Variants in PREP observed in about 807,000 individuals in gnomAD.
The protein encoded by PREP is prolyl endopeptidase, also known as dJ355L5.1 (prolyl endopeptidase).
PREP carries 29 observed loss-of-function variants against 87.6 expected under a neutral mutation model. The ratio of observed to expected loss-of-function variants is 0.33; its 90% CI spans 0.25 to 0.45. The LOEUF (loss-of-function observed/expected upper bound fraction) is 0.45. Ranked by LOEUF, PREP falls within the 20% of genes least tolerant of loss-of-function variation. The pLI is 1.00. For synonymous variants in PREP, 337 were observed against 328.6 expected (o/e 1.03, Z -0.28); for missense variants, 695 against 886.5 (o/e 0.78, Z 2.74).
At position 105,322,881 on chromosome 6, in the gene PREP, A is replaced by G. The variant is rs1771048678; in HGVS notation, c.1317+784T>C. On this transcript the variant is annotated intron_variant, in intron 10 of 14. Coordinates refer to ENST00000652536, the MANE Select transcript of PREP (RefSeq NM_002726.5). ...CAAGCTATAATAATGCCCTAGTTTC[A>G]CAGAAACATTGTGGGGAACATCCAG... 11 of 1,178,888 alleles carry G rather than the reference A, an allele frequency of 9.3e-6. No homozygotes were observed. In the South Asian group the frequency reaches 1.6e-4, roughly 17 times the overall value. 73.0% of individuals were successfully genotyped at this position (1,178,888 alleles called of 1,614,324 possible).
At chr6:105,302,118 AGTT>A (rs1421414563) in intron 10 of PREP, among the ~76,000 whole-genome samples, 12 of 152,248 alleles carry the variant, frequency 7.9e-5, no homozygotes, top group Non-Finnish European at 1.6e-4. Flanking sequence ...ATCTCTTTGT[AGTT>A]AATGAAGACA....
rs1769960805 is a variant in PREP at position 105,277,231 on chromosome 6, A to ACAAC, written c.*912_*913insGTTG. Among the ~76,000 whole-genome samples the ACAAC allele has an allele frequency of 1.3e-5, 2 of 151,802 alleles. No individual in the cohort carries two copies. Among genetic ancestry groups the ACAAC allele is most frequent in the Admixed American group, 6.6e-5 (1 of 15,228 alleles). On this transcript the variant is annotated 3_prime_UTR_variant, in exon 15 of 15. Transcript: ENST00000652536. Reference sequence around the variant, plus strand: ...TCCAGGAGTGATCTATGCAGGAGAAACAGCTTGGGAAATGCTGAAATTTCT... The same window carrying ACAAC: ...TCCAGGAGTGATCTATGCAGGAGAAACAACCAGCTTGGGAAATGCTGAAATTTCT...
At chr6:105,338,689 T>C (rs748992220) in intron 7 of PREP, among the ~76,000 whole-genome samples, 1 of 152,210 alleles carries the variant, frequency 6.6e-6, no homozygotes. Flanking sequence ...ACTCCCACCC[T>C]AATACTGCAC....
rs774333060 is a variant in PREP at position 105,377,342 on chromosome 6, T to C, written c.254+44A>G. Reference sequence around the variant, plus strand: ...TTGTATTTTACAATTTAAGAAAGCATTTACTTTGAAAATAAAAAGGAAATT... The same window carrying C: ...TTGTATTTTACAATTTAAGAAAGCACTTACTTTGAAAATAAAAAGGAAATT... On this transcript the variant is annotated intron_variant, in intron 3 of 14. Coordinates refer to ENST00000652536, the MANE Select transcript of PREP (RefSeq NM_002726.5). The C allele has an allele frequency of 4.5e-6, 7 of 1,558,480 alleles. No individual in the cohort carries two copies. In the East Asian group the frequency reaches 9.0e-5, roughly 20 times the overall value.
At chr6:105,329,098 A>G in intron 8 of PREP, 72 bp from the exon 9 acceptor site, 1 of 1,393,360 alleles carries the variant, frequency 7.2e-7, no homozygotes, top group South Asian at 1.2e-5. Flanking sequence ...ATTGAGCAAC[A>G]GTTCCAGAGC....
At chr6:105,370,027 G>A (rs1772494029) in intron 5 of PREP, among the ~76,000 whole-genome samples, 1 of 152,006 alleles carries the variant, frequency 6.6e-6, no homozygotes, top group South Asian at 2.1e-4. Flanking sequence ...CGAGGCAGGT[G>A]GATCACCTGA....
At chr6:105,295,807 CAGAGTA>C (rs1770397843) in intron 10 of PREP, among the ~76,000 whole-genome samples, 1 of 152,204 alleles carries the variant, frequency 6.6e-6, no homozygotes, top group South Asian at 2.1e-4. Context: ...GAATTCTTTT[CAGAGTA>C]AAACACCCAG....
chr6:105,300,138 C>G (rs1019963978), intron 10 of PREP, among the ~76,000 whole-genome samples: 1 of 152,240 alleles, frequency 6.6e-6, no homozygotes, highest in Non-Finnish European at 1.5e-5. Context: ...TTTCAGTGAT[C>G]TGCCCATCTC....
In PREP at chr6:105,357,750, A is replaced by AG. The variant is rs563561513; in HGVS notation, c.718-4674dup. On this transcript the variant is annotated intron_variant, in intron 6 of 14. Transcript: ENST00000652536. ...AAGATGAATTTTGTAAATCATTGGG[A>AG]GGGGAAGACATAAATCCTGTTGATG... Among the ~76,000 whole-genome samples, 13 of 152,294 alleles carry AG rather than the reference A, an allele frequency of 8.5e-5. No homozygotes were observed. The East Asian group carries it at 2.5e-3, about 29-fold the overall frequency.
At chr6:105,322,458 G>T in intron 10 of PREP, 1 of 985,328 alleles carries the variant, frequency 1.0e-6, no homozygotes, top group Non-Finnish European at 1.2e-6. Context: ...TGGATTTCAG[G>T]CCTGTCTGAC....
intron 5 of PREP, among the ~76,000 whole-genome samples, chr6:105,372,504 TACA>T (rs1162914404): frequency 3.9e-5 from 6 of 152,158 alleles, no homozygotes; most frequent in African/African-American, 1.4e-4. Context: ...AGGTACAAGG[TACA>T]TAGCCCTTCC....
chr6:105,329,102 C>G, intron 8 of PREP, 76 bp from the exon 9 acceptor site: 3 of 1,366,254 alleles, frequency 2.2e-6, no homozygotes, highest in Non-Finnish European at 3.1e-6. Context: ...AGCAACAGTT[C>G]CAGAGCTACA....
chr6:105,338,921 C>A (rs1228053426), intron 7 of PREP, among the ~76,000 whole-genome samples: 1 of 152,334 alleles, frequency 6.6e-6, no homozygotes, highest in East Asian at 1.9e-4. Flanking sequence ...CACCACAGCT[C>A]AAGGAGGCCT....
intron 8 of PREP, among the ~76,000 whole-genome samples, chr6:105,330,125 G>A (rs1216253737): frequency 6.6e-6 from 1 of 152,228 alleles, no homozygotes; most frequent in Non-Finnish European, 1.5e-5. Flanking sequence ...GCTGGTGGTG[G>A]CCTGATAGGC....
At chr6:105,364,013 G>A (rs1244446309) in intron 6 of PREP, among the ~76,000 whole-genome samples, 1 of 152,186 alleles carries the variant, frequency 6.6e-6, no homozygotes, top group East Asian at 1.9e-4. Flanking sequence ...GGCCAACAAT[G>A]ATAGACCAAC....
intron 10 of PREP, among the ~76,000 whole-genome samples, chr6:105,296,924 T>C (rs899614797): frequency 6.6e-6 from 1 of 152,224 alleles, no homozygotes; most frequent in Non-Finnish European, 1.5e-5. Flanking sequence ...CATGTCCACA[T>C]CTGCAGGCCC....
chr6:105,310,436 G>A (rs987828659), intron 10 of PREP, among the ~76,000 whole-genome samples: 1 of 152,100 alleles, frequency 6.6e-6, no homozygotes, highest in Non-Finnish European at 1.5e-5. Context: ...ACTACTCACT[G>A]AAAGTGCTCT....
At chr6:105,378,510 T>C (rs1430768013) in intron 2 of PREP, among the ~76,000 whole-genome samples, 1 of 152,106 alleles carries the variant, frequency 6.6e-6, no homozygotes, top group Non-Finnish European at 1.5e-5. Context: ...TGCAGAAGAA[T>C]ATCAGCAACA....
chr6:105,288,849 C>T lies in PREP; in HGVS notation c.1363G>A (p.Val455Met), dbSNP rs1452038131. 6.2e-7 allele frequency: 1 copy of T among 1,613,440 alleles called. No homozygotes were observed. Among genetic ancestry groups the T allele is most frequent in the Non-Finnish European group, 8.5e-7 (1 of 1,179,508 alleles). Residue 455 changes from valine to methionine, a missense_variant, in exon 11 of 15, where the codon GTG becomes ATG. By Grantham distance (21) the Val-to-Met change is conservative (BLOSUM62 1). This residue lies in a region of PREP where 517 missense variants were observed against 620.3 expected (regional missense o/e 0.83). Coordinates refer to ENST00000652536, the MANE Select transcript of PREP (RefSeq NM_002726.5). ...TCCAATTTTATGCCTTTTTTATGCA[C>T]AATGAACATTGGAATCTTCGTACCA... ...KDGTKIPMFI[V>M]HKKGIKLDGS...
Sources: allele counts gnomAD v4.1 joint callset (sites outside exome capture counted in the v4.1 genomes callset), GRCh38; gene constraint gnomAD v4.1.1; regional missense constraint gnomAD v4.1.1; transcripts MANE v1.5; gene names NCBI Gene and HGNC (gene_info 2026-07-23, HGNC 2026-07-21).